The following USH2A variants were observed in gnomAD, a reference collection of about 807,000 sequenced individuals.
USH2A encodes the protein Usher syndrome 2A (autosomal recessive, mild).
In USH2A, 443 loss-of-function variants were observed where a neutral mutation model predicts 538.9. The observed-to-expected ratio is 0.82, with a 90% CI of 0.76 to 0.89. The LOEUF is 0.89. Ranked by LOEUF, USH2A falls within the 40% of genes least tolerant of loss-of-function variation. The pLI is 0.00. For synonymous variants in USH2A, 2,413 were observed against 2,273.5 expected (o/e 1.06, Z -1.75); for missense variants, 6,633 against 6,324.8 (o/e 1.05, Z -1.65).
intron 9 of USH2A, among the ~76,000 whole-genome samples, chr1:216,300,165 T>G (rs1256177918): frequency 2.0e-5 from 3 of 152,214 alleles, no homozygotes; most frequent in Non-Finnish European, 4.4e-5. Context: ...AATTTTTGAA[T>G]TCTCATAATT....
Position 216,324,240 on chromosome 1 carries a change from C to T in USH2A, c.1256G>A (p.Cys419Tyr). ...ATTGTTTTTCATTCCAAAAGCACCA[C>T]AATTCCTGGCAAAATATTGCCAGTC... is the stretch of plus-strand genomic sequence containing the variant. ...WEDWQYFARNCGAFGMKNNGD... is the reference protein window; with the variant it reads ...WEDWQYFARNYGAFGMKNNGD... The change falls in exon 7 of 72, where the codon TGT becomes TAT. Residue 419 changes from cysteine (C) to tyrosine (Y), a missense_variant. Coordinates refer to ENST00000307340, the MANE Select transcript of USH2A (RefSeq NM_206933.4). The T allele has an allele frequency of 6.2e-7, 1 of 1,613,442 alleles. No homozygotes were observed.
intron 49 of USH2A, among the ~76,000 whole-genome samples, chr1:215,804,432 T>C (rs1179396900): frequency 4.6e-5 from 7 of 151,642 alleles, no homozygotes; most frequent in African/African-American, 1.7e-4. Flanking sequence ...TCAAACAAAT[T>C]TACAAGAAAA....
intron 30 of USH2A, among the ~76,000 whole-genome samples, chr1:216,058,375 T>G (rs2102535578): frequency 6.7e-6 from 1 of 149,340 alleles, no homozygotes; most frequent in East Asian, 1.9e-4. Context: ...AGAGAGTGCT[T>G]GGGCTATATT....
At position 216,036,135 on chromosome 1, in the gene USH2A, C is replaced by T. The variant is rs190957399; in HGVS notation, c.6325+10296G>A. 2.6e-5 allele frequency among the ~76,000 whole-genome samples: 4 copies of T among 152,070 alleles called. No homozygotes were observed. The East Asian group carries it at 5.8e-4, about 22-fold the overall frequency. ...ATTGGCTAGAAGGAAATTAGTAAGA[C>T]GATCAACCTGATTAAATATAAGGTG... On this transcript the variant is annotated intron_variant, in intron 32 of 71. Transcript: ENST00000307340.
At chr1:215,729,740 C>T (rs1224453991) in intron 60 of USH2A, among the ~76,000 whole-genome samples, 1 of 152,176 alleles carries the variant, frequency 6.6e-6, no homozygotes, top group Admixed American at 6.5e-5. Flanking sequence ...AAGAAATCCT[C>T]CTGCCTCAGT....
chr1:215,665,279 G>A (rs535539663), intron 64 of USH2A, among the ~76,000 whole-genome samples: 12 of 152,192 alleles, frequency 7.9e-5, no homozygotes, highest in Non-Finnish European at 1.8e-4. Context: ...CTAGCCCTAA[G>A]TTCAGACCCC....
At chr1:215,829,370 C>T (rs149378296) in intron 47 of USH2A, among the ~76,000 whole-genome samples, 2 of 152,066 alleles carry the variant, frequency 1.3e-5, no homozygotes, top group African/African-American at 2.4e-5. Context: ...GTACACTGCA[C>T]GCATATAATC....
At chr1:216,066,485 TA>T (rs979080033) in intron 30 of USH2A, among the ~76,000 whole-genome samples, 3 of 151,832 alleles carry the variant, frequency 2.0e-5, no homozygotes, top group Admixed American at 6.6e-5. Flanking sequence ...GTAATAATAA[TA>T]ATAATAATTG....
chr1:216,022,047 G>A (rs903585592), intron 32 of USH2A, among the ~76,000 whole-genome samples: 9 of 151,856 alleles, frequency 5.9e-5, no homozygotes, highest in Non-Finnish European at 1.5e-5. Flanking sequence ...TCTCTCTCTT[G>A]CTTCTTCTCT....
chr1:216,096,974 A>G, intron 22 of USH2A, 109 bp downstream of exon 22: 7 of 1,170,156 alleles, frequency 6.0e-6, no homozygotes, highest in Non-Finnish European at 8.6e-6. Context: ...AATAGTACTT[A>G]CCTTACAAGG....
chr1:216,349,077 A>G (rs973725582), intron 4 of USH2A, among the ~76,000 whole-genome samples: 3 of 152,126 alleles, frequency 2.0e-5, no homozygotes, highest in African/African-American at 7.2e-5. Flanking sequence ...GTGTAGGATA[A>G]GCTTACCGAA....
intron 32 of USH2A, among the ~76,000 whole-genome samples, chr1:216,018,750 A>G (rs1471128487): frequency 6.6e-6 from 1 of 152,092 alleles, no homozygotes; most frequent in African/African-American, 2.4e-5. Context: ...GAAAAATCTA[A>G]TTTTAAAAAA....
chr1:215,802,687 C>G (rs1158561079), intron 49 of USH2A, among the ~76,000 whole-genome samples: 2 of 152,052 alleles, frequency 1.3e-5, no homozygotes, highest in Non-Finnish European at 2.9e-5. Context: ...TTCCACAAAA[C>G]AGTATGGCAG....
At chr1:215,994,213 T>C (rs1444993690) in intron 34 of USH2A, among the ~76,000 whole-genome samples, 2 of 152,112 alleles carry the variant, frequency 1.3e-5, no homozygotes, top group Non-Finnish European at 2.9e-5. Flanking sequence ...AAAGCAGAGA[T>C]ATTTAGCTCA....
At chr1:216,246,103 G>T (rs2036039211) in intron 13 of USH2A, among the ~76,000 whole-genome samples, 1 of 152,120 alleles carries the variant, frequency 6.6e-6, no homozygotes, top group Admixed American at 6.5e-5. Flanking sequence ...TTATTAATTT[G>T]ATGGCATGTG....
intron 14 of USH2A, among the ~76,000 whole-genome samples, chr1:216,220,595 A>G (rs1324340076): frequency 6.6e-6 from 1 of 151,460 alleles, no homozygotes; most frequent in African/African-American, 2.4e-5. Flanking sequence ...AGGGGCAAAA[A>G]TAGAGAAAAA....
intron 38 of USH2A, among the ~76,000 whole-genome samples, chr1:215,932,881 A>G (rs150140590): frequency 6.6e-6 from 1 of 152,168 alleles, no homozygotes; most frequent in East Asian, 1.9e-4. Context: ...TTTGTATAAT[A>G]TTAACCCTTT....
intron 19 of USH2A, among the ~76,000 whole-genome samples, chr1:216,192,079 T>C (rs1408618076): frequency 6.6e-6 from 1 of 151,950 alleles, no homozygotes; most frequent in Non-Finnish European, 1.5e-5. Context: ...TAATTGAAAG[T>C]TTTTCATGAA....
intron 58 of USH2A, among the ~76,000 whole-genome samples, chr1:215,748,795 G>C (rs528957368): frequency 2.0e-5 from 3 of 152,308 alleles, no homozygotes; most frequent in East Asian, 3.9e-4. Context: ...CTACCTCATA[G>C]AGAGTTGTGA....
Sources: gnomAD v4.1 joint callset for allele counts (sites outside exome capture counted in the v4.1 genomes callset) on GRCh38, gnomAD v4.1.1 for gene constraint, MANE v1.5 for transcripts, NCBI Gene and HGNC (gene_info 2026-07-23, HGNC 2026-07-21) for gene names.